CR1: variants seen among roughly 807,000 people sequenced by gnomAD.
The protein encoded by CR1 is complement C3b/C4b receptor 1 (Knops blood group).
A neutral mutation model predicts 187.3 loss-of-function variants in CR1; 116 were observed. That is an observed-to-expected ratio of 0.62 (90% CI 0.53 to 0.72). The LOEUF (loss-of-function observed/expected upper bound fraction) is 0.72, where lower values mean the gene tolerates loss of function less well. Ranked by LOEUF, CR1 falls within the 30% of genes least tolerant of loss-of-function variation. The pLI, the probability that CR1 is intolerant of heterozygous loss-of-function variation, is 0.00. For missense variants in CR1, 1,731 were observed against 2,110.7 expected (o/e 0.82, Z 3.52); for synonymous variants, 576 against 747.1 (o/e 0.77, Z 3.73).
At chr1:207,596,291 A>G (rs1661439233) in intron 35 of CR1, among the ~76,000 whole-genome samples, 1 of 152,008 alleles carries the variant, frequency 6.6e-6, no homozygotes, top group African/African-American at 2.4e-5. Context: ...TATAAACTCC[A>G]TTGGTAAAAT....
At chr1:207,497,597 C>G (rs1558207550) in intron 1 of CR1, among the ~76,000 whole-genome samples, 1 of 152,190 alleles carries the variant, frequency 6.6e-6, no homozygotes, top group South Asian at 2.1e-4. Context: ...AGTAACCTGT[C>G]AGGTGCAGAG....
intron 1 of CR1, among the ~76,000 whole-genome samples, chr1:207,505,038 A>G (rs1389855781): frequency 6.6e-6 from 1 of 152,218 alleles, no homozygotes; most frequent in Non-Finnish European, 1.5e-5. Flanking sequence ...TCTGAGTGGA[A>G]CAGTTCCATC....
intron 41 of CR1, among the ~76,000 whole-genome samples, chr1:207,617,606 TATATATAGAGAG>T (rs1188899293): frequency 1.2e-3 from 22 of 18,108 alleles, no homozygotes; most frequent in Non-Finnish European, 1.6e-3. Context: ...TATATATATA[TATATATAGAGAG>T]AGAGAGAGAG....
In CR1 at chr1:207,619,066, G is replaced by T. The variant is rs192353506; in HGVS notation, c.7067-814G>T. On this transcript the variant is annotated intron_variant, in intron 42 of 46. Transcript: ENST00000367049. ...AAAAAAAAAAAAAAAGAAAAGAAAA[G>T]AAAGTAAATTAATTAGAAAGATGTA... Among the ~76,000 whole-genome samples, 184 of 138,314 alleles carry T rather than the reference G, an allele frequency of 1.3e-3. 1 individual carries two copies. The highest frequency in any genetic ancestry group is 5.7e-4 in the Non-Finnish European group (37 of 64,764). 90.7% of individuals were successfully genotyped at this position (138,314 alleles called of 152,430 possible).
intron 45 of CR1, among the ~76,000 whole-genome samples, chr1:207,627,531 C>T (rs1298448499): frequency 1.3e-5 from 2 of 152,198 alleles, no homozygotes; most frequent in African/African-American, 4.8e-5. Context: ...CAAGGCTGCT[C>T]CTTGTTCTAA....
chr1:207,626,496 C>G (rs1366223339), intron 45 of CR1, among the ~76,000 whole-genome samples: 1 of 152,052 alleles, frequency 6.6e-6, no homozygotes, highest in Non-Finnish European at 1.5e-5. Context: ...GGCCTCATGG[C>G]AAAGAAGAAG....
At chr1:207,512,429 G>T (rs1247169267) in intron 4 of CR1, among the ~76,000 whole-genome samples, 20 of 152,138 alleles carry the variant, frequency 1.3e-4, no homozygotes, top group Admixed American at 1.3e-3. Flanking sequence ...TGTGGAAAAA[G>T]AATCAGATGA....
intron 27 of CR1, among the ~76,000 whole-genome samples, chr1:207,573,379 C>A (rs543949295): frequency 6.6e-6 from 1 of 152,282 alleles, no homozygotes; most frequent in South Asian, 2.1e-4. Context: ...CCGATGTCTC[C>A]TTTTCTCTCT....
Position 207,496,304 on chromosome 1 carries a change from G to T in CR1, c.37G>T (p.Gly13Trp). 8 of 1,613,734 alleles carry T rather than the reference G, an allele frequency of 5.0e-6. No homozygotes were observed. Among genetic ancestry groups the T allele is most frequent in the Non-Finnish European group, 6.8e-6 (8 of 1,179,854 alleles). Reference sequence around the variant, plus strand: ...TTCTCCAAGAAGCCCGGAGCCTGTCGGGCCGCCGGCGCCCGGTCTCCCCTT... The same window carrying T: ...TTCTCCAAGAAGCCCGGAGCCTGTCTGGCCGCCGGCGCCCGGTCTCCCCTT... The part of the protein sequence containing the change: ...ASSPRSPEPV[G>W]PPAPGLPFCC... The change falls in exon 1 of 47, where the codon GGG becomes TGG. Residue 13 changes from glycine (G) to tryptophan (W), a missense_variant. Physicochemically the swap from Gly to Trp is radical, Grantham distance 184. Transcript: ENST00000367049.
intron 35 of CR1, among the ~76,000 whole-genome samples, chr1:207,591,274 A>C (rs1396361582): frequency 6.6e-6 from 1 of 152,236 alleles, no homozygotes; most frequent in Non-Finnish European, 1.5e-5. Context: ...GTACAATCAA[A>C]TTAGAACTCA....
At chr1:207,632,604 G>A (rs892363649) in intron 46 of CR1, among the ~76,000 whole-genome samples, 6 of 151,914 alleles carry the variant, frequency 3.9e-5, no homozygotes, top group African/African-American at 1.2e-4. Context: ...TGGCTAACAC[G>A]GTGAAACCCC....
chr1:207,500,776 A>G (rs1272095153), intron 1 of CR1, among the ~76,000 whole-genome samples: 3 of 152,258 alleles, frequency 2.0e-5, no homozygotes, highest in Non-Finnish European at 2.9e-5. Context: ...TTTACCCAAG[A>G]GAAATGAAAT....
rs898597298 is a variant in CR1 at position 207,616,949 on chromosome 1, AC to A, written c.6889+148del. On this transcript the variant is annotated intron_variant, in intron 41 of 46. Coordinates refer to ENST00000367049, the MANE Select transcript of CR1 (RefSeq NM_000651.6). ...GAACTACCTCCCAAGTGAATGACAAACGGGTTATAGATAGGCACGCTGTCTC... is the reference window on the plus strand; with the variant it reads ...GAACTACCTCCCAAGTGAATGACAAAGGGTTATAGATAGGCACGCTGTCTC... The A allele has an allele frequency of 1.8e-5, 22 of 1,214,430 alleles. No homozygotes were observed. In the African/African-American group the frequency reaches 3.2e-4, roughly 18 times the overall value. 75.2% of individuals were successfully genotyped at this position (1,214,430 alleles called of 1,614,324 possible).
intron 35 of CR1, among the ~76,000 whole-genome samples, chr1:207,590,461 C>G (rs1043595396): frequency 6.6e-6 from 1 of 152,158 alleles, no homozygotes; most frequent in African/African-American, 2.4e-5. Context: ...CTGAAGGAAG[C>G]ACTAAACATG....
chr1:207,506,979 C>G, intron 3 of CR1, 166 bp downstream of exon 3: 1 of 583,562 alleles, frequency 1.7e-6, no homozygotes, highest in Non-Finnish European at 3.0e-6. Flanking sequence ...AAAGGTATGA[C>G]AAGATCGGGG....
rs568865419 is a variant in CR1 at position 207,566,032 on chromosome 1, G to A, written c.3952+109G>A. On this transcript the variant is annotated intron_variant, in intron 24 of 46. Transcript: ENST00000367049. ...CTTCAATATTCTAGTCTTAATTATC[G>A]ATTTAAAAATAGTTTATTTTAATAA... is the stretch of plus-strand genomic sequence containing the variant. 538 of 1,415,256 alleles carry A rather than the reference G, an allele frequency of 3.8e-4. 4 individuals are homozygous for A. Among genetic ancestry groups the A allele is most frequent in the Non-Finnish European group, 4.7e-4 (487 of 1,027,852 alleles). The allele number at this position is 1,415,256 out of a possible 1,614,324, so 87.7% of individuals were successfully genotyped here. A position where few individuals can be genotyped will look rare whatever the true frequency, so the allele number is the denominator to read the frequency against.
chr1:207,630,332 C>CT (rs1320148218), intron 45 of CR1, among the ~76,000 whole-genome samples, 185 bp from the exon 46 acceptor site: 1 of 152,164 alleles, frequency 6.6e-6, no homozygotes, highest in Admixed American at 6.5e-5. Flanking sequence ...ATTTTCTAAT[C>CT]TAAGTTTTTG....
At chr1:207,586,046 T>C (rs1278940991) in intron 33 of CR1, among the ~76,000 whole-genome samples, 4 of 152,212 alleles carry the variant, frequency 2.6e-5, no homozygotes, top group African/African-American at 9.6e-5. Flanking sequence ...CAATATACTC[T>C]CTCAGAAAGA....
At chr1:207,629,210 C>T (rs1662574172) in intron 45 of CR1, among the ~76,000 whole-genome samples, 1 of 152,176 alleles carries the variant, frequency 6.6e-6, no homozygotes, top group Non-Finnish European at 1.5e-5. Flanking sequence ...GCCTTGTACA[C>T]AGTCAAAATT....
Sources: allele counts gnomAD v4.1 joint callset (sites outside exome capture counted in the v4.1 genomes callset), GRCh38; gene constraint gnomAD v4.1.1; transcripts MANE v1.5; gene names NCBI Gene and HGNC (gene_info 2026-07-23, HGNC 2026-07-21).